The following ARB2A variants were observed in gnomAD, a reference collection of about 807,000 sequenced individuals.
ARB2A encodes the protein ARB2 cotranscriptional regulator A.
At chr5:93,820,528 AAGTTGCATTATTTGT>A in the ARB2A span, among the ~76,000 whole-genome samples, 1 of 152,242 alleles carries the variant, frequency 6.6e-6, no homozygotes, top group South Asian at 2.1e-4. Flanking sequence ...AGGCAAAAGT[AAGTTGCATTATTTGT>A]AGATTTCTTT....
the ARB2A span, among the ~76,000 whole-genome samples, chr5:93,947,013 C>A: frequency 6.6e-6 from 1 of 151,938 alleles, no homozygotes. Context: ...TTTCTCATTT[C>A]CTCTGTGCTA....
At chr5:93,734,128 G>A in the ARB2A span, 1 of 152,110 alleles carries the variant, frequency 6.6e-6, no homozygotes, top group Non-Finnish European at 1.5e-5. Flanking sequence ...TAGAGAATAA[G>A]AAAACTTCTA....
the ARB2A span, chr5:94,053,344 A>G: frequency 1.7e-6 from 1 of 572,888 alleles, no homozygotes; most frequent in East Asian, 3.2e-5. Flanking sequence ...GTGTTGCTTT[A>G]ACTGATAATG....
chr5:93,683,187 C>A, the ARB2A span: 1 of 1,312,610 alleles, frequency 7.6e-7, no homozygotes, highest in East Asian at 2.3e-5. Flanking sequence ...AAATCATCAT[C>A]ATCATCATCT....
At chr5:94,090,320 CTGTT>C in the ARB2A span, among the ~76,000 whole-genome samples, 5 of 152,214 alleles carry the variant, frequency 3.3e-5, no homozygotes, top group East Asian at 3.9e-4. Flanking sequence ...ATTTGGCTCT[CTGTT>C]TGTCTATTAT....
At chr5:93,652,739 T>C in the ARB2A span, among the ~76,000 whole-genome samples, 4 of 152,222 alleles carry the variant, frequency 2.6e-5, no homozygotes, top group African/African-American at 9.6e-5. Context: ...TGTGCTGATG[T>C]ACACTATGAC....
At chr5:93,913,041 T>C in the ARB2A span, among the ~76,000 whole-genome samples, 1 of 151,928 alleles carries the variant, frequency 6.6e-6, no homozygotes, top group Non-Finnish European at 1.5e-5. Context: ...GTTATTCTTT[T>C]CAATAACATC....
chr5:94,012,386 A>T, the ARB2A span, among the ~76,000 whole-genome samples: 1 of 152,238 alleles, frequency 6.6e-6, no homozygotes, highest in Non-Finnish European at 1.5e-5. Context: ...TGGAGGACAG[A>T]GCGAGACTCC....
the ARB2A span, among the ~76,000 whole-genome samples, chr5:93,632,200 T>C: frequency 1.3e-5 from 2 of 151,994 alleles, no homozygotes; most frequent in Non-Finnish European, 2.9e-5. Flanking sequence ...GAAAACCCAA[T>C]AGGGGATGTG....
At chr5:93,853,370 A>G in the ARB2A span, among the ~76,000 whole-genome samples, 1,927 of 147,460 alleles carry the variant, frequency 0.013, 42 homozygotes, top group African/African-American at 0.044. Context: ...GAGACAATGG[A>G]GTTTTCTAGA....
chr5:93,847,496 T>C, the ARB2A span, among the ~76,000 whole-genome samples: 1 of 152,084 alleles, frequency 6.6e-6, no homozygotes, highest in East Asian at 1.9e-4. Flanking sequence ...TTTAAAATAT[T>C]TGAAAAAATA....
chr5:93,862,788 T>C, the ARB2A span: 13 of 152,180 alleles, frequency 8.5e-5, no homozygotes, highest in Non-Finnish European at 1.6e-4. Flanking sequence ...TTTAACAGAA[T>C]CTTGAAAAAT....
At chr5:93,832,999 A>T in the ARB2A span, among the ~76,000 whole-genome samples, 7 of 152,308 alleles carry the variant, frequency 4.6e-5, no homozygotes, top group Non-Finnish European at 1.0e-4. Context: ...AACTATTTAC[A>T]TGTATTATCA....
the ARB2A span, among the ~76,000 whole-genome samples, chr5:93,720,443 T>C: frequency 3.3e-5 from 5 of 152,352 alleles, no homozygotes; most frequent in South Asian, 8.3e-4. Context: ...TCATTAAATC[T>C]TCTCTGAGTT....
the ARB2A span, among the ~76,000 whole-genome samples, chr5:93,986,867 A>G: frequency 6.6e-6 from 1 of 152,254 alleles, no homozygotes; most frequent in South Asian, 2.1e-4. Flanking sequence ...ACCCAGGGAC[A>G]CAAACACTGC....
At chr5:93,753,531 T>C in the ARB2A span, among the ~76,000 whole-genome samples, 1 of 152,228 alleles carries the variant, frequency 6.6e-6, no homozygotes, top group East Asian at 1.9e-4. Context: ...ATATGATCAA[T>C]GGTCCCCTTC....
At chr5:93,860,210 A>G in the ARB2A span, among the ~76,000 whole-genome samples, 1 of 152,022 alleles carries the variant, frequency 6.6e-6, no homozygotes, top group Non-Finnish European at 1.5e-5. Flanking sequence ...GGAGAATCAC[A>G]TGAACCCAGG....
At chr5:93,909,328 G>A in the ARB2A span, among the ~76,000 whole-genome samples, 4 of 150,672 alleles carry the variant, frequency 2.7e-5, no homozygotes, top group South Asian at 2.1e-4. Context: ...TAATAGCACC[G>A]CTGAATAAAT....
chr5:93,746,787 T>G, the ARB2A span, among the ~76,000 whole-genome samples: 2 of 152,126 alleles, frequency 1.3e-5, no homozygotes, highest in African/African-American at 4.8e-5. Context: ...CCAGAAGCCT[T>G]AAGGAATTTT....
Sources: gnomAD v4.1 joint callset for allele counts (sites outside exome capture counted in the v4.1 genomes callset) on GRCh38, gnomAD v4.1.1 for gene constraint, MANE v1.5 for transcripts, NCBI Gene and HGNC (gene_info 2026-07-23, HGNC 2026-07-21) for gene names.